The following TOP2B variants were observed in gnomAD, a reference collection of about 807,000 sequenced individuals.
The protein encoded by TOP2B is DNA topoisomerase 2-beta.
In TOP2B, 51 loss-of-function variants were observed where a neutral mutation model predicts 193.5. That is an observed-to-expected ratio of 0.26 (90% CI 0.21 to 0.33). The LOEUF (loss-of-function observed/expected upper bound fraction) is 0.33. Ranked by LOEUF, TOP2B falls within the 10% of genes least tolerant of loss-of-function variation. The pLI is 1.00. For synonymous variants in TOP2B, 634 were observed against 635.7 expected, an observed-to-expected ratio of 1.00 and a Z score of 0.04; for missense variants, 1,378 against 1,909.3, an observed-to-expected ratio of 0.72 and a Z score of 5.19.
chr3:25,607,454 TTG>T, intron 30 of TOP2B, 79 bp from the exon 31 acceptor site: 1 of 1,426,244 alleles, frequency 7.0e-7, no homozygotes. Context: ...GATAAAGCAT[TTG>T]AAGTATATTC....
chr3:25,624,351 C>T lies in TOP2B; in HGVS notation c.2441G>A (p.Arg814Gln), dbSNP rs950258326. Residue 814 changes from arginine (R) to glutamine (Q), a missense_variant, in exon 20 of 36, where the codon CGG becomes CAG. Physicochemically the swap from Arg to Gln is conservative, Grantham distance 43. This residue lies in a region of TOP2B where 379 missense variants were observed against 615.1 expected (regional missense o/e 0.62). Transcript: ENST00000264331. ...LLQPIGQFGT[R>Q]LHGGKDAASP... is the part of the protein sequence containing the mutation. ...TGCAGCATCTTTGCCACCATGAAGC[C>T]GAGTTCCAAACTGACCAATAGGCTG... 1.9e-6 allele frequency: 3 copies of T among 1,613,764 alleles called. No homozygotes were observed. The highest frequency in any genetic ancestry group is 1.7e-5 in the Admixed American group (1 of 59,996).
At chr3:25,628,181 A>AAG (rs1322738216) in intron 15 of TOP2B, among the ~76,000 whole-genome samples, 6 of 150,650 alleles carry the variant, frequency 4.0e-5, no homozygotes, top group African/African-American at 1.5e-4. Context: ...TAAAAAAAAA[A>AAG]AAAAAAAAAG....
In TOP2B at chr3:25,630,183, A is replaced by T. The variant is rs993842900; in HGVS notation, c.1564-29T>A. 3.9e-6 allele frequency: 6 copies of T among 1,531,144 alleles called. No homozygotes were observed. The African/African-American group carries it at 8.4e-5, about 21-fold the overall frequency. The allele number at this position is 1,531,144 out of a possible 1,614,324, so 94.8% of individuals were successfully genotyped here. A position where few individuals can be genotyped will look rare whatever the true frequency, so the allele number is the denominator to read the frequency against. On this transcript the variant is annotated intron_variant, in intron 12 of 35. Transcript: ENST00000264331. ...TTCAAAAAGGAAAAGCACTGAGAGT[A>T]GTTTGAAGTGTTGAAATATACGAGT... is the stretch of plus-strand genomic sequence containing the variant.
intron 1 of TOP2B, among the ~76,000 whole-genome samples, chr3:25,647,881 C>G (rs1703455945): frequency 6.6e-6 from 1 of 152,178 alleles, no homozygotes; most frequent in African/African-American, 2.4e-5. Flanking sequence ...AACCCCAGGC[C>G]TTTCTTTCCC....
chr3:25,623,832 A>G (rs1470015190), intron 20 of TOP2B, 86 bp from the exon 21 acceptor site: 1 of 796,762 alleles, frequency 1.3e-6, no homozygotes, highest in Admixed American at 2.8e-5. Context: ...TTCACACTGC[A>G]AAAACAAATC....
chr3:25,638,147 A>C lies in TOP2B; in HGVS notation c.541+18T>G. 6.4e-7 allele frequency: 1 copy of C among 1,554,206 alleles called. No homozygotes were observed. Among genetic ancestry groups the C allele is most frequent in the Non-Finnish European group, 8.7e-7 (1 of 1,147,782 alleles). ...AAGAAAACAGTATTTTTCAACCAAA[A>C]TTCCATTCAGACTTTACCTGTAACT... On this transcript the variant is annotated intron_variant, in intron 5 of 35. Transcript: ENST00000264331.
chr3:25,617,379 A>G (rs1341506162), intron 25 of TOP2B, among the ~76,000 whole-genome samples: 1 of 152,138 alleles, frequency 6.6e-6, no homozygotes, highest in Non-Finnish European at 1.5e-5. Context: ...GTCCTACCGA[A>G]TTTTCTTCAA....
rs545741039 is a variant in TOP2B, at chr3:25,655,505, A to G, written c.69+8724T>C. Reference sequence around the variant, plus strand: ...TCAAAAAATTAAAAATAGAATTACTATATGATCCAGCAATCCCACTTTTGG... The same window carrying G: ...TCAAAAAATTAAAAATAGAATTACTGTATGATCCAGCAATCCCACTTTTGG... On this transcript the variant is annotated intron_variant, in intron 1 of 35. Transcript: ENST00000264331. 1.4e-4 allele frequency among the ~76,000 whole-genome samples: 21 copies of G among 152,312 alleles called. No homozygotes were observed. The East Asian group carries it at 4.1e-3, about 29-fold the overall frequency.
intron 6 of TOP2B, 86 bp from the exon 7 acceptor site, chr3:25,636,234 T>C (rs1463571461): frequency 5.0e-6 from 4 of 803,848 alleles, no homozygotes; most frequent in Non-Finnish European, 7.6e-6. Context: ...TTCATTCATT[T>C]ATCAAACTAT....
chr3:25,636,744 T>C (rs553750770), intron 6 of TOP2B, among the ~76,000 whole-genome samples: 35 of 152,066 alleles, frequency 2.3e-4, no homozygotes, highest in Admixed American at 6.6e-4. Context: ...CTGAGAAAAT[T>C]ATTTTAGCTT....
At chr3:25,646,205 C>T (rs1432943638) in intron 1 of TOP2B, among the ~76,000 whole-genome samples, 1 of 152,100 alleles carries the variant, frequency 6.6e-6, no homozygotes, top group Admixed American at 6.5e-5. Flanking sequence ...CACCATTAAG[C>T]TACTGAAGAC....
At position 25,624,659 on chromosome 3, in the gene TOP2B, T is replaced by A. The variant is rs372533523; in HGVS notation, c.2346+23A>T. 35 of 1,611,122 alleles carry A rather than the reference T, an allele frequency of 2.2e-5. No individual in the cohort carries two copies. In the South Asian group the frequency reaches 3.5e-4, roughly 16 times the overall value. The stretch of plus-strand genomic sequence containing the variant: ...TCAAGACAATAATTACAGTTCTCAA[T>A]TGATTCCAATCTTAATGCTTACTTC... On this transcript the variant is annotated intron_variant, in intron 19 of 35. Coordinates refer to ENST00000264331, the MANE Select transcript of TOP2B (RefSeq NM_001330700.2).
chr3:25,628,171 T>TAA (rs11444499), intron 15 of TOP2B, among the ~76,000 whole-genome samples: 176 of 130,138 alleles, frequency 1.4e-3, no homozygotes, highest in East Asian at 1.8e-3. Context: ...TAACATTATT[T>TAA]AAAAAAAAAA....
At chr3:25,643,924 A>C (rs758659656) in intron 2 of TOP2B, 140 bp from the exon 3 acceptor site, 4 of 571,240 alleles carry the variant, frequency 7.0e-6, no homozygotes, top group Non-Finnish European at 9.3e-6. Flanking sequence ...CTTCAGTAAT[A>C]GTCAACTTCA....
At chr3:25,615,937 T>C (rs941043374) in intron 25 of TOP2B, 2 of 160,880 alleles carry the variant, frequency 1.2e-5, no homozygotes, top group African/African-American at 4.8e-5. Flanking sequence ...CTGCATCTTG[T>C]CAGATTTTTA....
chr3:25,632,813 A>T lies in TOP2B; in HGVS notation c.1027-19T>A, dbSNP rs963810725. 3 of 1,592,736 alleles carry T rather than the reference A, an allele frequency of 1.9e-6. No individual in the cohort carries two copies. Among genetic ancestry groups the T allele is most frequent in the South Asian group, 2.2e-5 (2 of 89,818 alleles). ...GTCCACCCTAAAGAAAAAAAAATAT[A>T]TGAAATCTGAAATCCTGTATTGTTA... is the stretch of plus-strand genomic sequence containing the variant. On this transcript the variant is annotated intron_variant, in intron 8 of 35. Transcript: ENST00000264331.
At chr3:25,623,342 T>G (rs1702712888) in intron 21 of TOP2B, among the ~76,000 whole-genome samples, 173 bp downstream of exon 21, 1 of 152,206 alleles carries the variant, frequency 6.6e-6, no homozygotes, top group Non-Finnish European at 1.5e-5. Flanking sequence ...CAAAACTCAT[T>G]CCAAAGTTTA....
chr3:25,651,213 C>A (rs528600664), intron 1 of TOP2B, among the ~76,000 whole-genome samples: 5 of 151,680 alleles, frequency 3.3e-5, no homozygotes, highest in African/African-American at 7.3e-5. Flanking sequence ...AAAAATAATT[C>A]TAAATCTGTG....
At chr3:25,608,306 A>G (rs1192826590) in intron 30 of TOP2B, among the ~76,000 whole-genome samples, 2 of 152,244 alleles carry the variant, frequency 1.3e-5, no homozygotes, top group African/African-American at 4.8e-5. Flanking sequence ...TATAATTTCT[A>G]GCATGTATTA....
Sources: gnomAD v4.1 joint callset for allele counts (sites outside exome capture counted in the v4.1 genomes callset) on GRCh38, gnomAD v4.1.1 for gene constraint, gnomAD v4.1.1 regional missense constraint, MANE v1.5 for transcripts, NCBI Gene and HGNC (gene_info 2026-07-23, HGNC 2026-07-21) for gene names.